Variants in ELMOD1 observed in about 807,000 individuals in gnomAD.
ELMOD1 encodes the protein ELMO domain-containing protein 1.
ELMOD1 carries 21 observed loss-of-function variants against 46.7 expected under a neutral mutation model. That is an observed-to-expected ratio of 0.45 (90% CI 0.32 to 0.65). The LOEUF (loss-of-function observed/expected upper bound fraction) is 0.65, where lower values mean the gene tolerates loss of function less well. Among genes scored for constraint, ELMOD1 ranks in the 30% least tolerant of loss-of-function variants. The pLI, the probability that ELMOD1 is intolerant of heterozygous loss-of-function variation, is 0.04. For synonymous variants in ELMOD1, 122 were observed against 138.2 expected (o/e 0.88, Z 0.82); for missense variants, 348 against 407.8 (o/e 0.85, Z 1.26).
chr11:107,594,863 T>C (rs1378579466), intron 1 of ELMOD1, among the ~76,000 whole-genome samples: 1 of 151,732 alleles, frequency 6.6e-6, no homozygotes, highest in Non-Finnish European at 1.5e-5. Context: ...TTTACAGAAA[T>C]AGCACTATGT....
chr11:107,664,397 T>C (rs1866800941), intron 11 of ELMOD1, among the ~76,000 whole-genome samples: 1 of 152,192 alleles, frequency 6.6e-6, no homozygotes, highest in Non-Finnish European at 1.5e-5. Flanking sequence ...ATTCCCCAAA[T>C]TGTTTCAATC....
rs1004821178 is a variant in ELMOD1 at position 107,650,909 on chromosome 11, G to A, written c.647+1G>A. 2.7e-6 allele frequency: 3 copies of A among 1,118,948 alleles called. No homozygotes were observed. The highest frequency in any genetic ancestry group is 3.6e-6 in the Non-Finnish European group (3 of 826,078). The allele number at this position is 1,118,948 out of a possible 1,614,324, so 69.3% of individuals were successfully genotyped here. On this transcript the variant is annotated splice_donor_variant, in intron 9 of 11. Coordinates refer to ENST00000265840, the MANE Select transcript of ELMOD1 (RefSeq NM_018712.4). LOFTEE classifies it high-confidence loss of function. ...GGGATATCACTAAAGAAGAAATAAG[G>A]TATTTTTTCTTTGTTTTTGTGTTTT...
intron 9 of ELMOD1, among the ~76,000 whole-genome samples, chr11:107,652,322 G>A (rs1247109531): frequency 6.6e-6 from 1 of 152,196 alleles, no homozygotes; most frequent in Admixed American, 6.5e-5. Flanking sequence ...TACTGCTCTT[G>A]TAAACATCCA....
Position 107,630,593 on chromosome 11 carries a change from G to A in ELMOD1, c.163+31G>A, listed in dbSNP as rs576236978. ...CCTGAGACAAAGAAGTAAGCAAAAGGTAGAGTTGGTATGATGGAAGATACG... is the reference window on the plus strand; with the variant it reads ...CCTGAGACAAAGAAGTAAGCAAAAGATAGAGTTGGTATGATGGAAGATACG... On this transcript the variant is annotated intron_variant, in intron 3 of 11. Transcript: ENST00000265840. 1.9e-6 allele frequency: 3 copies of A among 1,606,920 alleles called. No individual in the cohort carries two copies. In the South Asian group the frequency reaches 3.4e-5, roughly 18 times the overall value.
Position 107,624,016 on chromosome 11 carries a change from G to A in ELMOD1, c.17+5810G>A, listed in dbSNP as rs144183388. ...AAAATTAATTTGTTCACAATACTGA[G>A]CATGTCCTCTAACTAGGTTGTTTAA... On this transcript the variant is annotated intron_variant, in intron 2 of 11. Transcript: ENST00000265840. 1.8e-3 allele frequency among the ~76,000 whole-genome samples: 272 copies of A among 152,178 alleles called. 1 individual carries two copies. The highest frequency in any genetic ancestry group is 6.4e-3 in the African/African-American group (264 of 41,500).
intron 2 of ELMOD1, among the ~76,000 whole-genome samples, chr11:107,628,220 G>C (rs185168466): frequency 2.2e-3 from 332 of 152,164 alleles, no homozygotes; most frequent in African/African-American, 7.9e-3. Context: ...AGGCTGGAGT[G>C]CAGTGGTATG....
intron 1 of ELMOD1, chr11:107,591,670 G>C (rs1249887268): frequency 2.7e-5 from 10 of 364,330 alleles, no homozygotes; most frequent in East Asian, 2.3e-4. Context: ...AGGTCGGCGC[G>C]AGAGGCTGTT....
intron 1 of ELMOD1, among the ~76,000 whole-genome samples, chr11:107,610,911 G>C (rs1358272999): frequency 7.1e-6 from 1 of 141,604 alleles, no homozygotes; most frequent in South Asian, 2.2e-4. Context: ...CAGAAGAATG[G>C]AATTGGAACC....
chr11:107,636,548 C>T (rs762794487), intron 6 of ELMOD1, among the ~76,000 whole-genome samples: 1 of 152,178 alleles, frequency 6.6e-6, no homozygotes, highest in East Asian at 1.9e-4. Context: ...TCCTAGAATT[C>T]ATAAAGGCAG....
At chr11:107,594,110 A>G (rs1046459299) in intron 1 of ELMOD1, among the ~76,000 whole-genome samples, 1 of 151,912 alleles carries the variant, frequency 6.6e-6, no homozygotes, top group African/African-American at 2.4e-5. Context: ...TTGCTGTGCC[A>G]GTAGTGTGTG....
chr11:107,641,586 G>A (rs1251784406), intron 6 of ELMOD1, among the ~76,000 whole-genome samples: 1 of 152,142 alleles, frequency 6.6e-6, no homozygotes, highest in Non-Finnish European at 1.5e-5. Flanking sequence ...AATGAGAAAA[G>A]GCAGACAGGG....
At chr11:107,657,210 A>G (rs955395844) in intron 11 of ELMOD1, among the ~76,000 whole-genome samples, 2 of 152,188 alleles carry the variant, frequency 1.3e-5, no homozygotes, top group Non-Finnish European at 2.9e-5. Flanking sequence ...GGACTTCTCA[A>G]CAGCAACGTT....
intron 1 of ELMOD1, among the ~76,000 whole-genome samples, chr11:107,615,985 C>CTTTTTT (rs57135460): frequency 2.7e-5 from 2 of 74,048 alleles, no homozygotes; most frequent in African/African-American, 1.1e-4. Context: ...CAGGTTTTTC[C>CTTTTTT]TTTTTTTTTT....
intron 1 of ELMOD1, among the ~76,000 whole-genome samples, chr11:107,602,564 CTT>C (rs1194929981): frequency 1.3e-5 from 2 of 152,104 alleles, no homozygotes; most frequent in Non-Finnish European, 1.5e-5. Flanking sequence ...ATTTCAGACA[CTT>C]TTATAAAATT....
chr11:107,650,586 G>C (rs1591134015), intron 8 of ELMOD1, among the ~76,000 whole-genome samples, 183 bp downstream of exon 8: 1 of 152,160 alleles, frequency 6.6e-6, no homozygotes, highest in East Asian at 1.9e-4. Flanking sequence ...CAAGATTTAG[G>C]ATGTAAAGTG....
intron 1 of ELMOD1, among the ~76,000 whole-genome samples, chr11:107,605,371 T>A (rs1381059485): frequency 6.6e-6 from 1 of 152,034 alleles, no homozygotes; most frequent in African/African-American, 2.4e-5. Context: ...GGCTAAGTTT[T>A]TGTACTTTTA....
chr11:107,591,510 G>T, intron 1 of ELMOD1, 101 bp downstream of exon 1: 1 of 239,038 alleles, frequency 4.2e-6, no homozygotes, highest in South Asian at 4.5e-5. Context: ...GCTGCGCTGT[G>T]CCTGGGAGGC....
Position 107,618,118 on chromosome 11 carries a change from T to C in ELMOD1, c.-72T>C. On this transcript the variant is annotated 5_prime_UTR_variant, in exon 2 of 12. Transcript: ENST00000265840. Reference sequence around the variant, plus strand: ...TTCTTCCCACAGTTGACACTTACTTTGACAAAGGCAAATTTGGAAGCAATT... The same window carrying C: ...TTCTTCCCACAGTTGACACTTACTTCGACAAAGGCAAATTTGGAAGCAATT... 6.6e-7 allele frequency: 1 copy of C among 1,521,404 alleles called. No individual in the cohort carries two copies. The highest frequency in any genetic ancestry group is 8.9e-7 in the Non-Finnish European group (1 of 1,119,258). 94.2% of individuals were successfully genotyped at this position (1,521,404 alleles called of 1,614,324 possible). A position where few individuals can be genotyped will look rare whatever the true frequency, so the allele number is the denominator to read the frequency against.
chr11:107,625,626 C>T (rs1591116878), intron 2 of ELMOD1: 1 of 935,788 alleles, frequency 1.1e-6, no homozygotes, highest in South Asian at 4.9e-5. Context: ...ATGGATTCCT[C>T]TAACAAAGCG....
Sources: gnomAD v4.1 joint callset for allele counts (sites outside exome capture counted in the v4.1 genomes callset) on GRCh38, gnomAD v4.1.1 for gene constraint, MANE v1.5 for transcripts, NCBI Gene and HGNC (gene_info 2026-07-23, HGNC 2026-07-21) for gene names.